DDX10: variants seen among roughly 807,000 people sequenced by gnomAD.
The protein encoded by DDX10 is DEAD-box helicase 10, also known as probable ATP-dependent RNA helicase DDX10.
DDX10 carries 74 observed loss-of-function variants against 104.3 expected under a neutral mutation model. The ratio of observed to expected loss-of-function variants is 0.71; its 90% CI spans 0.59 to 0.86. The LOEUF is 0.86. Ranked by LOEUF, DDX10 falls within the 40% of genes least tolerant of loss-of-function variation. The pLI is 0.00. For missense variants in DDX10, 952 were observed against 1,040.0 expected, an observed-to-expected ratio of 0.92 and a Z score of 1.16; for synonymous variants, 351 against 353.4, an observed-to-expected ratio of 0.99 and a Z score of 0.08.
At chr11:108,922,291 GA>G (rs1863844712) in intron 17 of DDX10, 1 of 149,486 alleles carries the variant, frequency 6.7e-6, no homozygotes, top group Non-Finnish European at 1.5e-5. Context: ...AGAAGAAAGC[GA>G]AGAAAGCAAA....
intron 13 of DDX10, among the ~76,000 whole-genome samples, chr11:108,759,080 A>G (rs534892106): frequency 6.6e-6 from 1 of 152,202 alleles, no homozygotes; most frequent in East Asian, 1.9e-4. Context: ...AGTACAATCC[A>G]TATGATCACT....
At chr11:108,821,480 A>C (rs1344257572) in intron 13 of DDX10, among the ~76,000 whole-genome samples, 1 of 152,190 alleles carries the variant, frequency 6.6e-6, no homozygotes, top group Non-Finnish European at 1.5e-5. Context: ...AAGAAGTAGC[A>C]GGGACTTATT....
At chr11:108,720,757 GT>G (rs2094297308) in intron 12 of DDX10, among the ~76,000 whole-genome samples, 1 of 151,796 alleles carries the variant, frequency 6.6e-6, no homozygotes, top group African/African-American at 2.4e-5. Flanking sequence ...TGGCTGGCTA[GT>G]TTTTTTGTAA....
chr11:108,869,343 G>C (rs143511844), intron 16 of DDX10, among the ~76,000 whole-genome samples: 1 of 152,144 alleles, frequency 6.6e-6, no homozygotes, highest in African/African-American at 2.4e-5. Context: ...GAAAGGAGCT[G>C]AATTGAGAAA....
At chr11:108,862,159 C>T (rs879940751) in intron 16 of DDX10, among the ~76,000 whole-genome samples, 3 of 152,136 alleles carry the variant, frequency 2.0e-5, no homozygotes, top group Admixed American at 6.5e-5. Context: ...GCGAGGACTA[C>T]GAGAATGTAC....
chr11:108,922,230 GGA>G (rs1565320004), intron 17 of DDX10: 29 of 127,194 alleles, frequency 2.3e-4, no homozygotes, highest in Admixed American at 1.0e-3. Flanking sequence ...GGCAACAGAG[GGA>G]GACTCCATCT....
intron 16 of DDX10, among the ~76,000 whole-genome samples, chr11:108,855,162 T>G (rs904816470): frequency 2.0e-5 from 3 of 152,240 alleles, no homozygotes; most frequent in Non-Finnish European, 4.4e-5. Context: ...TGTCGTATAT[T>G]CTTATGACCT....
intron 13 of DDX10, among the ~76,000 whole-genome samples, chr11:108,738,831 T>A (rs924595403): frequency 1.3e-5 from 2 of 152,190 alleles, no homozygotes; most frequent in Admixed American, 6.5e-5. Context: ...GGACAACTCA[T>A]GGCACAGCAG....
chr11:108,674,460 G>C (rs2094221230), intron 2 of DDX10, among the ~76,000 whole-genome samples: 1 of 151,000 alleles, frequency 6.6e-6, no homozygotes, highest in South Asian at 2.1e-4. Flanking sequence ...TCTTTTTTCA[G>C]TATATTTTAA....
chr11:108,778,796 C>A (rs1273577628), intron 13 of DDX10, among the ~76,000 whole-genome samples: 1 of 152,214 alleles, frequency 6.6e-6, no homozygotes, highest in African/African-American at 2.4e-5. Flanking sequence ...ATCTACCCAT[C>A]TGACAAAGGG....
intron 13 of DDX10, among the ~76,000 whole-genome samples, chr11:108,782,007 C>T (rs1360234874): frequency 1.3e-5 from 2 of 152,180 alleles, no homozygotes; most frequent in East Asian, 3.8e-4. Context: ...TAAATTTTCT[C>T]CTTGAGGAGG....
At chr11:108,685,285 AC>A (rs778547455) in intron 6 of DDX10, among the ~76,000 whole-genome samples, 11 of 150,108 alleles carry the variant, frequency 7.3e-5, no homozygotes, top group Non-Finnish European at 1.5e-4. Context: ...GGTGGGAGTG[AC>A]CCGATTTTCC....
At chr11:108,874,134 T>G (rs1591105500) in intron 16 of DDX10, among the ~76,000 whole-genome samples, 1 of 152,168 alleles carries the variant, frequency 6.6e-6, no homozygotes, top group Non-Finnish European at 1.5e-5. Context: ...CCACAGGATA[T>G]GCAGTAAAAT....
rs536142742 is a variant in DDX10, at chr11:108,683,405, CCT to C, written c.848+3846_848+3847del. ...CTTAAGGCTGCTACCTTGTTTCTCC[CCT>C]GTCTTGCAATCAGCAAATGCTTTTG... On this transcript the variant is annotated intron_variant, in intron 6 of 17. Coordinates refer to ENST00000322536, the MANE Select transcript of DDX10 (RefSeq NM_004398.4). 1.6e-4 allele frequency among the ~76,000 whole-genome samples: 25 copies of C among 152,324 alleles called. No individual in the cohort carries two copies. In the South Asian group the frequency reaches 2.3e-3, roughly 14 times the overall value.
chr11:108,678,889 T>TA (rs1389748686), intron 5 of DDX10, among the ~76,000 whole-genome samples: 5 of 142,816 alleles, frequency 3.5e-5, no homozygotes, highest in African/African-American at 5.0e-5. Flanking sequence ...TTTTTTTTTT[T>TA]TTTTTTTATA....
chr11:108,693,467 A>G (rs1227169818), intron 8 of DDX10, 49 bp from the exon 9 acceptor site: 2 of 1,305,448 alleles, frequency 1.5e-6, no homozygotes, highest in African/African-American at 2.9e-5. Flanking sequence ...ATAGTGCAGC[A>G]GGGCAGATCT....
rs550900776 is a variant in DDX10 at position 108,852,129 on chromosome 11, T to A, written c.2248-24T>A. The A allele has an allele frequency of 2.5e-6, 4 of 1,592,420 alleles. No individual in the cohort carries two copies. The South Asian group carries it at 4.5e-5, about 18-fold the overall frequency. The stretch of plus-strand genomic sequence containing the variant: ...TTATACCTAATTATATGCTGCTAAT[T>A]TTTCTCCTCTTCCTTGTCTCCAGGA... On this transcript the variant is annotated intron_variant, in intron 15 of 17. Coordinates refer to ENST00000322536, the MANE Select transcript of DDX10 (RefSeq NM_004398.4).
chr11:108,716,230 G>A (rs1456164427), intron 11 of DDX10, among the ~76,000 whole-genome samples: 1 of 151,910 alleles, frequency 6.6e-6, no homozygotes, highest in Non-Finnish European at 1.5e-5. Flanking sequence ...CGGGTAGCTG[G>A]GACTACAGGT....
intron 13 of DDX10, 30 bp downstream of exon 13, chr11:108,723,492 A>C: frequency 6.3e-7 from 1 of 1,583,618 alleles, no homozygotes; most frequent in Non-Finnish European, 8.6e-7. Flanking sequence ...AGGGTCTTCT[A>C]TTACATTGTC....
Sources: allele counts gnomAD v4.1 joint callset (sites outside exome capture counted in the v4.1 genomes callset), GRCh38; gene constraint gnomAD v4.1.1; transcripts MANE v1.5; gene names NCBI Gene and HGNC (gene_info 2026-07-23, HGNC 2026-07-21).